MGAT4C: variants seen among roughly 807,000 people sequenced by gnomAD.
The protein encoded by MGAT4C is MGAT4 family member C, also known as alpha-1,3-mannosyl-glycoprotein 4-beta-N-acetylglucosaminyltransferase C.
In MGAT4C, 19 loss-of-function variants were observed where a neutral mutation model predicts 40.1. That is an observed-to-expected ratio of 0.47 (90% CI 0.33 to 0.70). MGAT4C has a LOEUF of 0.70. Ranked by LOEUF, MGAT4C falls within the 30% of genes least tolerant of loss-of-function variation. The pLI, the probability that MGAT4C is intolerant of heterozygous loss-of-function variation, is 0.02. For missense variants in MGAT4C, 491 were observed against 563.2 expected, an observed-to-expected ratio of 0.87 and a Z score of 1.30; for synonymous variants, 181 against 187.1, an observed-to-expected ratio of 0.97 and a Z score of 0.27.
chr12:86,227,754 C>T (rs1951152374), intron 1 of MGAT4C, among the ~76,000 whole-genome samples: 1 of 151,710 alleles, frequency 6.6e-6, no homozygotes, highest in Admixed American at 6.6e-5. Flanking sequence ...GTATCTGATA[C>T]CAAGGATTCT....
intron 3 of MGAT4C, among the ~76,000 whole-genome samples, chr12:86,356,091 T>C (rs1242107354): frequency 7.2e-5 from 11 of 152,142 alleles, no homozygotes; most frequent in Admixed American, 7.2e-4. Context: ...ATTTATATAT[T>C]GTAATTCCTA....
At chr12:86,145,808 G>A (rs969666364) in intron 1 of MGAT4C, among the ~76,000 whole-genome samples, 2 of 152,068 alleles carry the variant, frequency 1.3e-5, no homozygotes, top group African/African-American at 2.4e-5. Flanking sequence ...ATTTTGCTCA[G>A]GCAAAAATAG....
intron 2 of MGAT4C, among the ~76,000 whole-genome samples, chr12:86,522,744 G>T (rs561102258): frequency 2.0e-5 from 3 of 152,144 alleles, no homozygotes; most frequent in African/African-American, 7.2e-5. Flanking sequence ...TTGTTGGTTG[G>T]TATGCTATTT....
intron 2 of MGAT4C, chr12:86,028,042 G>A (rs1890392245): frequency 1.0e-6 from 1 of 978,096 alleles, no homozygotes; most frequent in African/African-American, 1.7e-5. Context: ...AGTGTATCTA[G>A]TCAAGAAAGT....
At chr12:86,021,591 G>A (rs1889737022) in intron 2 of MGAT4C, among the ~76,000 whole-genome samples, 1 of 119,162 alleles carries the variant, frequency 8.4e-6, no homozygotes, top group African/African-American at 3.2e-5. Context: ...CCTGCTGTGG[G>A]GTGGGGGGAG....
At chr12:86,105,374 TA>T (rs1452731119) in intron 1 of MGAT4C, among the ~76,000 whole-genome samples, 1 of 152,158 alleles carries the variant, frequency 6.6e-6, no homozygotes, top group Non-Finnish European at 1.5e-5. Flanking sequence ...ACATTAAGTA[TA>T]TCATCTTATA....
At position 86,087,083 on chromosome 12, in the gene MGAT4C, T is replaced by G. The variant is rs868384178; in HGVS notation, c.-56-37360A>C. ...TATCCATTGAACCACTGATGGACAC[T>G]TAGGTTGATTCCATATCTTGGCTAT... On this transcript the variant is annotated intron_variant, in intron 1 of 4. Transcript: ENST00000611864. 6.1e-4 allele frequency among the ~76,000 whole-genome samples: 93 copies of G among 152,232 alleles called. 1 individual carries two copies. The highest frequency in any genetic ancestry group is 2.2e-3 in the African/African-American group (92 of 41,550).
chr12:86,540,714 T>A (rs566700270), intron 2 of MGAT4C, among the ~76,000 whole-genome samples: 1 of 151,716 alleles, frequency 6.6e-6, no homozygotes, highest in East Asian at 1.9e-4. Flanking sequence ...CCAGCCTGAG[T>A]GACAGAGTGA....
chr12:86,300,860 T>C (rs1474584353), intron 4 of MGAT4C, among the ~76,000 whole-genome samples: 1 of 152,090 alleles, frequency 6.6e-6, no homozygotes, highest in Non-Finnish European at 1.5e-5. Context: ...TTATGTTAGA[T>C]ATGATCCTCG....
rs192425460 is a variant in MGAT4C, at chr12:86,279,562, A to G, written c.-57+54503T>C. Among the ~76,000 whole-genome samples the G allele has an allele frequency of 1.3e-4, 20 of 150,954 alleles. No homozygotes were observed. In the East Asian group the frequency reaches 3.3e-3, roughly 25 times the overall value. On this transcript the variant is annotated intron_variant, in intron 4 of 7. Coordinates refer to the MGAT4C transcript ENST00000548651. ...TCCTCTCTCTTTTTCTTAGTCTATC[A>G]ACTTTGCTTACCTTTTCGAAAACAA...
chr12:86,604,178 G>A (rs1263080337), intron 2 of MGAT4C, among the ~76,000 whole-genome samples: 2 of 152,026 alleles, frequency 1.3e-5, no homozygotes, highest in African/African-American at 4.8e-5. Flanking sequence ...TGCTCCACCT[G>A]GGAGAATGGA....
intron 3 of MGAT4C, among the ~76,000 whole-genome samples, chr12:86,387,779 A>G (rs979010598): frequency 2.0e-5 from 3 of 152,156 alleles, no homozygotes; most frequent in Non-Finnish European, 4.4e-5. Context: ...TAGATCATCC[A>G]TTACATTGAG....
At chr12:86,092,403 T>C (rs575115491) in intron 1 of MGAT4C, among the ~76,000 whole-genome samples, 2 of 152,234 alleles carry the variant, frequency 1.3e-5, no homozygotes, top group Non-Finnish European at 1.5e-5. Context: ...CCCTATTGTT[T>C]TAAATTACTA....
At chr12:86,717,095 T>A (rs1950655395) in intron 2 of MGAT4C, among the ~76,000 whole-genome samples, 1 of 152,028 alleles carries the variant, frequency 6.6e-6, no homozygotes, top group South Asian at 2.1e-4. Context: ...GTTGTGCTCT[T>A]TTTTTGGCCA....
intron 4 of MGAT4C, among the ~76,000 whole-genome samples, chr12:86,329,819 A>T (rs1248186044): frequency 6.6e-6 from 1 of 152,186 alleles, no homozygotes; most frequent in African/African-American, 2.4e-5. Flanking sequence ...ATGGTGTTAG[A>T]GTTAAAAATT....
At chr12:86,351,990 T>C (rs1277575339) in intron 3 of MGAT4C, among the ~76,000 whole-genome samples, 1 of 151,998 alleles carries the variant, frequency 6.6e-6, no homozygotes, top group East Asian at 1.9e-4. Context: ...ATAATAAATG[T>C]GCAAAAATTA....
rs1019929229 is a variant in MGAT4C, at chr12:86,678,980, C to T, written c.-229+48229G>A. 4.5e-4 allele frequency among the ~76,000 whole-genome samples: 69 copies of T among 152,018 alleles called. No individual in the cohort carries two copies. In the South Asian group the frequency reaches 5.2e-3, roughly 11 times the overall value. ...TGGCTGGGTCAAATGGTATTTCTAG[C>T]TCTAGATCCCTGAGGAATCGCCACA... is the stretch of plus-strand genomic sequence containing the variant. On this transcript the variant is annotated intron_variant, in intron 2 of 7. Coordinates refer to the MGAT4C transcript ENST00000548651.
chr12:86,708,696 T>A (rs977547018), intron 2 of MGAT4C, among the ~76,000 whole-genome samples: 1 of 152,196 alleles, frequency 6.6e-6, no homozygotes, highest in African/African-American at 2.4e-5. Context: ...CAGCATGAGC[T>A]GTATATGAGA....
At chr12:86,244,946 G>T (rs1350027694) in intron 1 of MGAT4C, among the ~76,000 whole-genome samples, 1 of 152,084 alleles carries the variant, frequency 6.6e-6, no homozygotes, top group Non-Finnish European at 1.5e-5. Context: ...TAAGTGGGTG[G>T]TATGCATTAT....
Sources: allele counts gnomAD v4.1 joint callset (sites outside exome capture counted in the v4.1 genomes callset), GRCh38; gene constraint gnomAD v4.1.1; transcripts MANE v1.5; gene names NCBI Gene and HGNC (gene_info 2026-07-23, HGNC 2026-07-21).